The following ASPG variants were observed in gnomAD, a reference collection of about 807,000 sequenced individuals.
ASPG encodes the protein 60 kDa lysophospholipase.
In ASPG, 53 loss-of-function variants were observed where a neutral mutation model predicts 63.2. The observed-to-expected ratio is 0.84, with a 90% CI of 0.67 to 1.05. ASPG has a LOEUF of 1.05. Ranked by LOEUF, ASPG falls within the 50% of genes least tolerant of loss-of-function variation. The pLI, the probability that ASPG is intolerant of heterozygous loss-of-function variation, is 0.00. For missense variants in ASPG, 741 were observed against 794.4 expected, an observed-to-expected ratio of 0.93 and a Z score of 0.81; for synonymous variants, 370 against 355.0, an observed-to-expected ratio of 1.04 and a Z score of -0.48.
At position 104,112,611 on chromosome 14, in the gene ASPG, C is replaced by T; in HGVS notation, c.*67C>T. The T allele has an allele frequency of 6.3e-7, 1 of 1,586,380 alleles. No individual in the cohort carries two copies. The highest frequency in any genetic ancestry group is 1.1e-5 in the South Asian group (1 of 87,682). On this transcript the variant is annotated 3_prime_UTR_variant, in exon 16 of 16. Transcript: ENST00000551177. ...CATGACCTGCTGGAGGGGTCTCAGGCATGACCCCACTGCTGGGGCTGCTTC... is the reference window on the plus strand; with the variant it reads ...CATGACCTGCTGGAGGGGTCTCAGGTATGACCCCACTGCTGGGGCTGCTTC...
chr14:104,108,138 G>A (rs951966116), intron 12 of ASPG, among the ~76,000 whole-genome samples: 2 of 152,180 alleles, frequency 1.3e-5, no homozygotes, highest in African/African-American at 4.8e-5. Context: ...TGAGCCCTGG[G>A]GTGGGGTGTG....
intron 1 of ASPG, among the ~76,000 whole-genome samples, chr14:104,087,591 G>A (rs565075894): frequency 9.2e-5 from 14 of 152,332 alleles, no homozygotes; most frequent in Middle Eastern, 3.4e-3. Context: ...CAGCAGGGCC[G>A]GAGCCTGCCA....
intron 6 of ASPG, among the ~76,000 whole-genome samples, chr14:104,099,376 C>T (rs1017377769): frequency 3.3e-5 from 5 of 152,160 alleles, no homozygotes; most frequent in Admixed American, 6.5e-5. Context: ...CCTCTGGTTC[C>T]GGCGGGCAGC....
chr14:104,097,484 G>A, intron 4 of ASPG, 70 bp from the exon 5 acceptor site: 1 of 1,453,252 alleles, frequency 6.9e-7, no homozygotes, highest in South Asian at 1.3e-5. Flanking sequence ...GGTTTACCTG[G>A]AGAGATGAGC....
At position 104,105,312 on chromosome 14, in the gene ASPG, CT is replaced by C; in HGVS notation, c.1051-15del. 1 of 1,612,610 alleles carries C rather than the reference CT, an allele frequency of 6.2e-7. No homozygotes were observed. Among genetic ancestry groups the C allele is most frequent in the East Asian group, 2.2e-5 (1 of 44,876 alleles). On this transcript the variant is annotated splice_polypyrimidine_tract_variant and intron_variant, in intron 9 of 15. Coordinates refer to ENST00000551177, the MANE Select transcript of ASPG (RefSeq NM_001080464.3). The stretch of plus-strand genomic sequence containing the variant: ...CAGCCCTGGCAGAGCCACTTCACCT[CT>C]GTTCTCTCCACCAGCTGCTGACCAA...
chr14:104,107,160 G>A (rs556295175), intron 11 of ASPG, 22 bp from the exon 12 acceptor site: 7 of 1,535,018 alleles, frequency 4.6e-6, no homozygotes, highest in South Asian at 3.8e-5. Context: ...CTCAGGGGTC[G>A]CATGTCCTTG....
rs530494399 is a variant in ASPG, at chr14:104,093,142, A to C, written c.192-349A>C. The C allele has an allele frequency of 6.1e-6, 3 of 489,884 alleles. No individual in the cohort carries two copies. The East Asian group carries it at 1.1e-4, about 19-fold the overall frequency. The allele number at this position is 489,884 out of a possible 1,614,324, so 30.3% of individuals were successfully genotyped here. Reference sequence around the variant, plus strand: ...CCCCCACAGCTGGGGGTGAGCTGGGAGTTGCCCTCGTGGTGGCTGACCACC... The same window carrying C: ...CCCCCACAGCTGGGGGTGAGCTGGGCGTTGCCCTCGTGGTGGCTGACCACC... On this transcript the variant is annotated intron_variant, in intron 2 of 15. Transcript: ENST00000551177.
rs981402377 is a variant in ASPG at position 104,102,280 on chromosome 14, C to A, written c.641-1283C>A. On this transcript the variant is annotated intron_variant, in intron 6 of 15. Coordinates refer to ENST00000551177, the MANE Select transcript of ASPG (RefSeq NM_001080464.3). ...TCACTGCTGGGGGCTCCGCTCCCCC[C>A]TCTCTCATCCCCAGCACCCCACATC... Among the ~76,000 whole-genome samples, 14 of 152,254 alleles carry A rather than the reference C, an allele frequency of 9.2e-5. No individual in the cohort carries two copies. The East Asian group carries it at 2.7e-3, about 30-fold the overall frequency.
intron 6 of ASPG, 56 bp from the exon 7 acceptor site, chr14:104,103,507 G>C: frequency 6.8e-7 from 1 of 1,462,704 alleles, no homozygotes. Flanking sequence ...CACTGGGCTG[G>C]GGTCTCGGCT....
intron 6 of ASPG, among the ~76,000 whole-genome samples, chr14:104,099,484 C>A (rs551661357): frequency 6.6e-6 from 1 of 152,314 alleles, no homozygotes; most frequent in Non-Finnish European, 1.5e-5. Context: ...GTAGGAGCAG[C>A]CTTGGAGCTT....
chr14:104,105,664 C>T (rs1003881503), intron 10 of ASPG, among the ~76,000 whole-genome samples: 2 of 152,160 alleles, frequency 1.3e-5, no homozygotes, highest in Admixed American at 6.5e-5. Flanking sequence ...AAGGGCCAGG[C>T]GGTGGGCACA....
intron 4 of ASPG, 66 bp downstream of exon 4, chr14:104,095,722 T>G: frequency 6.3e-7 from 1 of 1,597,454 alleles, no homozygotes; most frequent in African/African-American, 1.3e-5. Flanking sequence ...AAGTCAGCGC[T>G]GTGGGCGGCC....
At chr14:104,108,797 G>A (rs2037259652) in intron 12 of ASPG, 3 of 985,434 alleles carry the variant, frequency 3.0e-6, no homozygotes, top group Non-Finnish European at 3.6e-6. Flanking sequence ...AGGTCACCAC[G>A]GGGTGTGATC....
intron 3 of ASPG, among the ~76,000 whole-genome samples, chr14:104,094,964 C>T (rs1355933689): frequency 6.6e-6 from 1 of 152,174 alleles, no homozygotes; most frequent in African/African-American, 2.4e-5. Flanking sequence ...CCCTGGCAGC[C>T]GCAGCCTGGG....
Position 104,109,855 on chromosome 14 carries a change from C to T in ASPG, c.1520+540C>T, listed in dbSNP as rs1208280834. Among the ~76,000 whole-genome samples, 1 of 152,066 alleles carries T rather than the reference C, an allele frequency of 6.6e-6. No individual in the cohort carries two copies. ...CCGCATGGCACCAGTGGCCAGTGTG[C>T]CTTCCGATCTCATGCTGCCGAGTGA... On this transcript the variant is annotated intron_variant, in intron 13 of 15. Transcript: ENST00000551177. The surrounding 1 kb of genome is among the most constrained non-coding windows in gnomAD (Gnocchi z 4.8).
intron 7 of ASPG, 60 bp from the exon 8 acceptor site, chr14:104,104,244 T>G (rs903513572): frequency 1.2e-4 from 182 of 1,538,028 alleles, no homozygotes; most frequent in Non-Finnish European, 1.6e-4. Flanking sequence ...ATGGGGCGAG[T>G]CTCAGTGGTG....
At chr14:104,103,962 G>A (rs2036999858) in intron 7 of ASPG, among the ~76,000 whole-genome samples, 2 of 152,250 alleles carry the variant, frequency 1.3e-5, no homozygotes, top group South Asian at 4.1e-4. Flanking sequence ...CCAGCTGGCT[G>A]GGAGCCGCCC....
At chr14:104,108,301 G>C (rs1197793580) in intron 12 of ASPG, 1 of 615,278 alleles carries the variant, frequency 1.6e-6, no homozygotes, top group Non-Finnish European at 2.0e-6. Flanking sequence ...GGGGTGATCC[G>C]GACTGGAGCT....
chr14:104,106,587 G>T (rs1385657160), intron 10 of ASPG, among the ~76,000 whole-genome samples: 1 of 152,134 alleles, frequency 6.6e-6, no homozygotes, highest in Non-Finnish European at 1.5e-5. Context: ...AGCTCCAGGG[G>T]AAGGGGTCCT....
Sources: allele counts gnomAD v4.1 joint callset (sites outside exome capture counted in the v4.1 genomes callset), GRCh38; gene constraint gnomAD v4.1.1; non-coding constraint Gnocchi (gnomAD v3.1); transcripts MANE v1.5; gene names NCBI Gene and HGNC (gene_info 2026-07-23, HGNC 2026-07-21).